DAB1: variants seen among roughly 807,000 people sequenced by gnomAD.
The protein encoded by DAB1 is disabled homolog 1.
In DAB1, 15 loss-of-function variants were observed where a neutral mutation model predicts 64.6. The ratio of observed to expected loss-of-function variants is 0.23; its 90% CI spans 0.16 to 0.36. The LOEUF is 0.36. Among genes scored for constraint, DAB1 ranks in the 10% least tolerant of loss-of-function variants. The pLI is 1.00. For missense variants in DAB1, 596 were observed against 706.7 expected (o/e 0.84, Z 1.78); for synonymous variants, 235 against 251.9 (o/e 0.93, Z 0.64).
chr1:57,003,032 T>C (rs1347015943), intron 14 of DAB1, among the ~76,000 whole-genome samples: 2 of 152,236 alleles, frequency 1.3e-5, no homozygotes, highest in African/African-American at 4.8e-5. Flanking sequence ...TAATCACCTG[T>C]GGGTTTCTTT....
At chr1:58,329,194 T>A (rs74351151) in intron 4 of DAB1, among the ~76,000 whole-genome samples, 206 of 152,358 alleles carry the variant, frequency 1.4e-3, no homozygotes, top group Admixed American at 2.8e-3. Context: ...TGCCTATATA[T>A]CTCAACACTA....
chr1:58,393,259 G>C (rs549904502), intron 3 of DAB1, among the ~76,000 whole-genome samples: 1 of 151,294 alleles, frequency 6.6e-6, no homozygotes, highest in African/African-American at 2.4e-5. Flanking sequence ...CTGGTTTCCT[G>C]AGCTCCAGTT....
chr1:57,185,440 G>A (rs1192982873), intron 2 of DAB1, among the ~76,000 whole-genome samples: 1 of 152,166 alleles, frequency 6.6e-6, no homozygotes, highest in Non-Finnish European at 1.5e-5. Flanking sequence ...GCATTTAGGG[G>A]ACAGAGTCTG....
At chr1:58,245,103 A>C (rs1239985154) in intron 4 of DAB1, among the ~76,000 whole-genome samples, 4 of 152,212 alleles carry the variant, frequency 2.6e-5, no homozygotes, top group African/African-American at 9.7e-5. Flanking sequence ...TTCAAATAAG[A>C]GATGCAGAAG....
rs1403204508 is a variant in DAB1 at position 57,864,217 on chromosome 1, T to C, written n.87+19782A>G. Among the ~76,000 whole-genome samples, 4 of 152,248 alleles carry C rather than the reference T, an allele frequency of 2.6e-5. No individual in the cohort carries two copies. In the East Asian group the frequency reaches 7.7e-4, roughly 29 times the overall value. On this transcript the variant is annotated intron_variant and non_coding_transcript_variant, in intron 1 of 1. Coordinates refer to the DAB1 transcript ENST00000477280. ...TGGATGTTGGGGAAGATGACTCCCT[T>C]CTGGAGAAGAAACACAAGGCCTGTT...
intron 7 of DAB1, among the ~76,000 whole-genome samples, chr1:57,605,279 C>T (rs1380486209): frequency 6.6e-6 from 1 of 151,280 alleles, no homozygotes; most frequent in Non-Finnish European, 1.5e-5. Flanking sequence ...CAGGAATTAT[C>T]ATTTATCTCC....
chr1:58,367,557 G>C (rs1316962809), intron 3 of DAB1, among the ~76,000 whole-genome samples: 6 of 152,230 alleles, frequency 3.9e-5, no homozygotes, highest in Non-Finnish European at 8.8e-5. Context: ...TGAGTGTTCA[G>C]TTTGGTACCA....
At chr1:57,498,848 A>G (rs1252782319) in intron 7 of DAB1, among the ~76,000 whole-genome samples, 1 of 152,208 alleles carries the variant, frequency 6.6e-6, no homozygotes, top group Admixed American at 6.5e-5. Flanking sequence ...ACAGAAAGGA[A>G]CATCTTTCAA....
At chr1:58,377,212 T>C (rs1644336581) in intron 3 of DAB1, among the ~76,000 whole-genome samples, 1 of 150,750 alleles carries the variant, frequency 6.6e-6, no homozygotes, top group African/African-American at 2.5e-5. Context: ...GTGAATTTGA[T>C]CCTGTCATTA....
At chr1:58,056,297 A>T in intron 5 of DAB1, 3 of 1,454,754 alleles carry the variant, frequency 2.1e-6, no homozygotes, top group Non-Finnish European at 2.9e-6. Context: ...GGAAGCACAT[A>T]GGCATCGAAG....
chr1:57,433,470 G>A (rs889911128), intron 7 of DAB1, among the ~76,000 whole-genome samples: 1 of 152,004 alleles, frequency 6.6e-6, no homozygotes, highest in Admixed American at 6.6e-5. Context: ...TGAAACAACT[G>A]CATAAACATA....
intron 3 of DAB1, among the ~76,000 whole-genome samples, chr1:58,500,604 T>G (rs1049230914): frequency 1.3e-5 from 2 of 152,204 alleles, no homozygotes; most frequent in Non-Finnish European, 2.9e-5. Context: ...AAGATTTTTT[T>G]AAGTTTCTGA....
intron 6 of DAB1, among the ~76,000 whole-genome samples, chr1:57,801,727 A>G (rs1007868511): frequency 6.6e-6 from 1 of 151,936 alleles, no homozygotes; most frequent in Non-Finnish European, 1.5e-5. Flanking sequence ...GCACAATCAC[A>G]GCTCACTGCA....
intron 1 of DAB1, among the ~76,000 whole-genome samples, chr1:57,403,530 T>A (rs751155807): frequency 2.6e-5 from 4 of 152,108 alleles, no homozygotes; most frequent in Non-Finnish European, 5.9e-5. Flanking sequence ...AGAGCCCACA[T>A]AGAGTCAAAA....
At chr1:58,465,180 A>T (rs1012061731) in intron 3 of DAB1, among the ~76,000 whole-genome samples, 2 of 152,210 alleles carry the variant, frequency 1.3e-5, no homozygotes, top group Non-Finnish European at 2.9e-5. Flanking sequence ...AGCTGTAAGC[A>T]ATGTTGTGTG....
intron 7 of DAB1, among the ~76,000 whole-genome samples, chr1:57,487,714 C>T (rs1644109561): frequency 6.6e-6 from 1 of 152,130 alleles, no homozygotes; most frequent in South Asian, 2.1e-4. Context: ...GTGTTTTAGG[C>T]TATACCATCT....
intron 2 of DAB1, among the ~76,000 whole-genome samples, chr1:57,176,970 TATA>T (rs1211242334): frequency 2.0e-4 from 12 of 61,054 alleles, no homozygotes; most frequent in Non-Finnish European, 5.1e-4. Context: ...CAGCAGCAGA[TATA>T]AAAAAAAAAA....
chr1:57,850,135 G>C (rs1653453275), intron 1 of DAB1, among the ~76,000 whole-genome samples: 1 of 152,180 alleles, frequency 6.6e-6, no homozygotes, highest in Non-Finnish European at 1.5e-5. Flanking sequence ...AAGAGAAGGA[G>C]AGAACCAGGA....
chr1:57,989,590 G>A (rs970440479), intron 5 of DAB1, among the ~76,000 whole-genome samples: 2 of 152,114 alleles, frequency 1.3e-5, no homozygotes, highest in Non-Finnish European at 2.9e-5. Flanking sequence ...CACTAGTGAC[G>A]TATATGAATT....
Sources: allele counts gnomAD v4.1 joint callset (sites outside exome capture counted in the v4.1 genomes callset), GRCh38; gene constraint gnomAD v4.1.1; transcripts MANE v1.5; gene names NCBI Gene and HGNC (gene_info 2026-07-23, HGNC 2026-07-21).